Variants in MYH10 observed in about 807,000 individuals in gnomAD.
The protein encoded by MYH10 is myosin heavy chain 10.
A neutral mutation model predicts 257.8 loss-of-function variants in MYH10; 55 were observed. That is an observed-to-expected ratio of 0.21 (90% CI 0.17 to 0.27). The LOEUF is 0.27. MYH10 is among the 10% of genes least tolerant of loss of function. MYH10 has a pLI of 1.00. For missense variants in MYH10, 1,631 were observed against 2,500.6 expected (o/e 0.65, Z 7.42); for synonymous variants, 854 against 921.7 (o/e 0.93, Z 1.33).
chr17:8,518,026 GT>G (rs2151896325), intron 21 of MYH10, among the ~76,000 whole-genome samples: 1 of 14,092 alleles, frequency 7.1e-5, no homozygotes, highest in Non-Finnish European at 1.8e-4. Flanking sequence ...CCTTGGCCCC[GT>G]GTGTGTGTGT....
intron 17 of MYH10, among the ~76,000 whole-genome samples, chr17:8,523,436 G>A (rs976541148): frequency 5.3e-5 from 8 of 152,200 alleles, no homozygotes; most frequent in African/African-American, 1.9e-4. Flanking sequence ...GAAATGAGTG[G>A]TTAGAGATCT....
rs1380252169 is a variant in MYH10 at position 8,623,271 on chromosome 17, A to C, written c.-25T>G. On this transcript the variant is annotated 5_prime_UTR_variant, in exon 2 of 43. Transcript: ENST00000360416. ...TTGTAAATGGAACGATCCAAAAGCA[A>C]TTGCCTCTAAGAGAAGAGGAGGAGG... The C allele has an allele frequency of 6.4e-7, 1 of 1,553,012 alleles. No homozygotes were observed. Among genetic ancestry groups the C allele is most frequent in the African/African-American group, 1.4e-5 (1 of 71,918 alleles).
At chr17:8,478,484 A>G in intron 40 of MYH10, 38 bp from the exon 41 acceptor site, 3 of 1,591,740 alleles carry the variant, frequency 1.9e-6, no homozygotes, top group South Asian at 1.1e-5. Context: ...AATTCTTGAA[A>G]TGGTATTTTG....
At chr17:8,548,489 A>C (rs1028930153) in intron 10 of MYH10, 81 bp from the exon 11 acceptor site, 1 of 1,392,100 alleles carries the variant, frequency 7.2e-7, no homozygotes. Context: ...TTTTGTGCTA[A>C]AAATTAGCTA....
chr17:8,620,788 C>G (rs1433065010), intron 2 of MYH10, among the ~76,000 whole-genome samples: 1 of 152,126 alleles, frequency 6.6e-6, no homozygotes, highest in South Asian at 2.1e-4. Flanking sequence ...GGTAAGAACC[C>G]TTTCTCCACC....
At chr17:8,518,585 A>G (rs1388126645) in intron 21 of MYH10, 46 bp downstream of exon 21, 9 of 1,578,488 alleles carry the variant, frequency 5.7e-6, no homozygotes, top group Non-Finnish European at 7.8e-6. Flanking sequence ...CTTATCTAGC[A>G]CAAGCACTTC....
chr17:8,588,905 C>T (rs1185946768), intron 4 of MYH10, among the ~76,000 whole-genome samples, 176 bp downstream of exon 4: 1 of 152,148 alleles, frequency 6.6e-6, no homozygotes, highest in Non-Finnish European at 1.5e-5. Flanking sequence ...GACTGACAAC[C>T]AACCATTAAC....
Position 8,546,494 on chromosome 17 carries a change from A to G in MYH10, c.1278+50T>C, listed in dbSNP as rs779500584. The stretch of plus-strand genomic sequence containing the variant: ...ATGTCAATCAGAAGGCCAAATGGCC[A>G]TGGCTTATCATTCAAACAAATCAGT... On this transcript the variant is annotated intron_variant, in intron 12 of 42. Transcript: ENST00000360416. 6 of 1,472,626 alleles carry G rather than the reference A, an allele frequency of 4.1e-6. No homozygotes were observed. In the East Asian group the frequency reaches 1.1e-4, roughly 28 times the overall value. The allele number at this position is 1,472,626 out of a possible 1,614,324, so 91.2% of individuals were successfully genotyped here. A position where few individuals can be genotyped will look rare whatever the true frequency, so the allele number is the denominator to read the frequency against.
At chr17:8,481,261 C>A in intron 38 of MYH10, 61 bp downstream of exon 38, 2 of 1,523,872 alleles carry the variant, frequency 1.3e-6, no homozygotes, top group South Asian at 1.1e-5. Context: ...ACACCTCCAG[C>A]CTTCTCAGCA....
chr17:8,515,360 A>G (rs965857384), intron 21 of MYH10, among the ~76,000 whole-genome samples: 12 of 152,134 alleles, frequency 7.9e-5, no homozygotes, highest in African/African-American at 1.2e-4. Flanking sequence ...TAGAGCAAAA[A>G]TTACCTACCT....
chr17:8,542,964 G>A (rs2082332377), intron 13 of MYH10, among the ~76,000 whole-genome samples: 1 of 152,106 alleles, frequency 6.6e-6, no homozygotes, highest in Non-Finnish European at 1.5e-5. Context: ...GTGAATTTAG[G>A]CATTTTTCAT....
In MYH10 at chr17:8,604,989, T is replaced by TA. The variant is rs1209771258; in HGVS notation, c.346-8dup. ...AGAAGAGTCCAGAATAAGTCTAGAA[T>TA]AAAAATAAAATAGAGTATTAAAAAA... is the stretch of plus-strand genomic sequence containing the variant. On this transcript the variant is annotated splice_polypyrimidine_tract_variant and splice_region_variant and intron_variant, in intron 2 of 42. Transcript: ENST00000360416. 2 of 1,413,420 alleles carry TA rather than the reference T, an allele frequency of 1.4e-6. No individual in the cohort carries two copies. Among genetic ancestry groups the TA allele is most frequent in the South Asian group, 2.9e-5 (2 of 69,344 alleles). 87.6% of individuals were successfully genotyped at this position (1,413,420 alleles called of 1,614,324 possible).
At chr17:8,582,352 G>A (rs1039651998) in intron 4 of MYH10, among the ~76,000 whole-genome samples, 1 of 152,100 alleles carries the variant, frequency 6.6e-6, no homozygotes, top group Admixed American at 6.5e-5. Flanking sequence ...AAAGAGTGAG[G>A]GCAAAGGGAA....
chr17:8,480,577 G>A, intron 38 of MYH10, 52 bp from the exon 39 acceptor site: 2 of 1,594,658 alleles, frequency 1.3e-6, no homozygotes, highest in Non-Finnish European at 1.7e-6. Context: ...GCACAGCACA[G>A]GAGCCTCAGG....
At chr17:8,549,719 T>C (rs1029929364) in intron 9 of MYH10, among the ~76,000 whole-genome samples, 8 of 152,162 alleles carry the variant, frequency 5.3e-5, no homozygotes, top group Non-Finnish European at 5.9e-5. Context: ...TCCCTCTCCC[T>C]CTCTTTCCAC....
chr17:8,475,956 A>G lies in MYH10; in HGVS notation c.5880-8T>C. ...CTGATGGGGCCACCCCGCCTGGAGA[A>G]CACAGGAAGCAGATGTGTGTGGGTA... On this transcript the variant is annotated splice_region_variant and splice_polypyrimidine_tract_variant and intron_variant, in intron 42 of 42. Transcript: ENST00000360416. 6.2e-7 allele frequency: 1 copy of G among 1,611,604 alleles called. No homozygotes were observed. The highest frequency in any genetic ancestry group is 8.5e-7 in the Non-Finnish European group (1 of 1,179,498).
intron 3 of MYH10, among the ~76,000 whole-genome samples, chr17:8,597,286 C>A (rs451597): frequency 0.97 from 147,362 of 151,892 alleles, 71,649 homozygotes; most frequent in Middle Eastern, 1. Flanking sequence ...CCATAATAGG[C>A]AGTCTAAAGA....
intron 28 of MYH10, among the ~76,000 whole-genome samples, chr17:8,501,855 T>A (rs1294421983): frequency 6.6e-6 from 1 of 152,186 alleles, no homozygotes; most frequent in Non-Finnish European, 1.5e-5. Context: ...CTAATATTTT[T>A]AAAATTGGCT....
At position 8,523,097 on chromosome 17, in the gene MYH10, C is replaced by A. The variant is rs532279294; in HGVS notation, c.1958-1812G>T. On this transcript the variant is annotated intron_variant, in intron 17 of 42. Transcript: ENST00000360416. The stretch of plus-strand genomic sequence containing the variant: ...CACAATACAAATGCTGACACTGGCC[C>A]TCTGCTTTTCTCAAGCCATATTCCC... Among the ~76,000 whole-genome samples, 3 of 152,152 alleles carry A rather than the reference C, an allele frequency of 2.0e-5. No homozygotes were observed. The South Asian group carries it at 6.2e-4, about 32-fold the overall frequency.
Sources: allele counts gnomAD v4.1 joint callset (sites outside exome capture counted in the v4.1 genomes callset), GRCh38; gene constraint gnomAD v4.1.1; transcripts MANE v1.5; gene names NCBI Gene and HGNC (gene_info 2026-07-23, HGNC 2026-07-21).